Variants in CDH12 observed in about 807,000 individuals in gnomAD.
CDH12 encodes the protein cadherin 12.
A neutral mutation model predicts 74.1 loss-of-function variants in CDH12; 41 were observed. The ratio of observed to expected loss-of-function variants is 0.55; its 90% CI spans 0.43 to 0.72. The LOEUF is 0.72. CDH12 is among the 30% of genes least tolerant of loss of function. The pLI, the probability that CDH12 is intolerant of heterozygous loss-of-function variation, is 0.00. For synonymous variants in CDH12, 399 were observed against 355.0 expected, an observed-to-expected ratio of 1.12 and a Z score of -1.39; for missense variants, 945 against 977.2, an observed-to-expected ratio of 0.97 and a Z score of 0.44.
chr5:21,973,928 A>C (rs1756958832), intron 6 of CDH12, among the ~76,000 whole-genome samples: 1 of 152,152 alleles, frequency 6.6e-6, no homozygotes, highest in Non-Finnish European at 1.5e-5. Flanking sequence ...ACTGAATAAC[A>C]GATTTGCAGC....
intron 2 of CDH12, among the ~76,000 whole-genome samples, chr5:22,437,712 ACAAT>A (rs145758483): frequency 0.017 from 2,628 of 151,944 alleles, 83 homozygotes; most frequent in African/African-American, 0.06. Flanking sequence ...AAGGACTCTC[ACAAT>A]CAATCAATCA....
chr5:21,901,025 A>G (rs903755570), intron 6 of CDH12, among the ~76,000 whole-genome samples: 2 of 152,208 alleles, frequency 1.3e-5, no homozygotes, highest in Non-Finnish European at 1.5e-5. Context: ...TTGTGAAATA[A>G]TATAAATGAA....
intron 4 of CDH12, among the ~76,000 whole-genome samples, chr5:22,131,630 C>T (rs1318299018): frequency 2.0e-5 from 3 of 152,106 alleles, no homozygotes; most frequent in Non-Finnish European, 2.9e-5. Flanking sequence ...CTCAGCTTTG[C>T]ACACACTGTC....
At chr5:22,655,866 A>G (rs2126890328) in intron 1 of CDH12, among the ~76,000 whole-genome samples, 1 of 152,310 alleles carries the variant, frequency 6.6e-6, no homozygotes, top group South Asian at 2.1e-4. Context: ...TCTTCATATG[A>G]CTTAATTAAA....
intron 1 of CDH12, among the ~76,000 whole-genome samples, chr5:22,553,209 C>A (rs1738651798): frequency 6.6e-6 from 1 of 152,090 alleles, no homozygotes; most frequent in Non-Finnish European, 1.5e-5. Flanking sequence ...CTATGACACC[C>A]AAAATGATAA....
intron 6 of CDH12, among the ~76,000 whole-genome samples, chr5:21,934,309 C>A (rs1409919056): frequency 6.6e-6 from 1 of 152,126 alleles, no homozygotes; most frequent in African/African-American, 2.4e-5. Flanking sequence ...TGAGTTCTCA[C>A]AAGATCTAGT....
At chr5:22,578,311 T>A (rs1035124356) in intron 1 of CDH12, among the ~76,000 whole-genome samples, 5 of 152,000 alleles carry the variant, frequency 3.3e-5, no homozygotes, top group Non-Finnish European at 7.4e-5. Context: ...GGGTATAAAA[T>A]TGCGTCTAAA....
At chr5:22,311,745 A>G (rs1738401890) in intron 3 of CDH12, among the ~76,000 whole-genome samples, 1 of 150,398 alleles carries the variant, frequency 6.6e-6, no homozygotes, top group Admixed American at 6.6e-5. Flanking sequence ...GCATGGGTAC[A>G]TGGTTGTGGT....
In CDH12 at chr5:21,960,718, C is replaced by T. The variant is rs562898122; in HGVS notation, c.526+14373G>A. Reference sequence around the variant, plus strand: ...TGACTTATACACACACATACACACACGCACATACACACACACGTGTGTGTG... The same window carrying T: ...TGACTTATACACACACATACACACATGCACATACACACACACGTGTGTGTG... On this transcript the variant is annotated intron_variant, in intron 6 of 14. Coordinates refer to ENST00000382254, the MANE Select transcript of CDH12 (RefSeq NM_004061.5). Among the ~76,000 whole-genome samples, 376 of 152,024 alleles carry T rather than the reference C, an allele frequency of 2.5e-3. 5 individuals are homozygous for T. The highest frequency in any genetic ancestry group is 8.3e-3 in the African/African-American group (344 of 41,460).
intron 4 of CDH12, among the ~76,000 whole-genome samples, chr5:22,135,781 A>G (rs1009686441): frequency 1.2e-4 from 19 of 152,040 alleles, no homozygotes; most frequent in Admixed American, 7.2e-4. Flanking sequence ...TAAGTCTTAG[A>G]TTTGTAGCAG....
At chr5:22,682,449 G>A (rs893368494) in intron 1 of CDH12, among the ~76,000 whole-genome samples, 4 of 151,968 alleles carry the variant, frequency 2.6e-5, no homozygotes, top group African/African-American at 9.7e-5. Flanking sequence ...GGGTAGACAG[G>A]ATACAACATA....
intron 1 of CDH12, among the ~76,000 whole-genome samples, chr5:22,829,403 G>A (rs1010494599): frequency 2.0e-5 from 3 of 152,136 alleles, no homozygotes; most frequent in African/African-American, 7.2e-5. Context: ...AATCTGAGGT[G>A]GCTGTTATTT....
At chr5:22,633,526 A>T (rs1397022771) in intron 1 of CDH12, among the ~76,000 whole-genome samples, 1 of 152,160 alleles carries the variant, frequency 6.6e-6, no homozygotes, top group Non-Finnish European at 1.5e-5. Flanking sequence ...GGACACTAAC[A>T]TTTGAATTGG....
chr5:22,340,524 T>TG (rs1739800463), intron 3 of CDH12, among the ~76,000 whole-genome samples: 1 of 79,706 alleles, frequency 1.3e-5, no homozygotes, highest in African/African-American at 6.4e-5. Flanking sequence ...AGACTCCGTC[T>TG]CAAAAAAAAA....
chr5:21,986,907 A>G (rs1757541300), intron 5 of CDH12, among the ~76,000 whole-genome samples: 1 of 152,112 alleles, frequency 6.6e-6, no homozygotes, highest in African/African-American at 2.4e-5. Context: ...CTGATATGCT[A>G]TCATGAAAAA....
chr5:21,818,302 A>G (rs977929585), intron 8 of CDH12, among the ~76,000 whole-genome samples: 1 of 152,000 alleles, frequency 6.6e-6, no homozygotes, highest in Non-Finnish European at 1.5e-5. Context: ...AAGTTACTAT[A>G]AATGTCTGTT....
intron 1 of CDH12, among the ~76,000 whole-genome samples, chr5:22,822,600 G>T (rs1749765441): frequency 6.6e-6 from 1 of 152,132 alleles, no homozygotes; most frequent in South Asian, 2.1e-4. Context: ...CTCAAAAGAA[G>T]ACATTTATGC....
chr5:22,680,222 A>T (rs544182628), intron 1 of CDH12, among the ~76,000 whole-genome samples: 5 of 152,190 alleles, frequency 3.3e-5, no homozygotes, highest in African/African-American at 1.2e-4. Context: ...CTTGGTAAAC[A>T]GCTTACTCTT....
At chr5:22,125,417 A>G (rs1745794163) in intron 4 of CDH12, among the ~76,000 whole-genome samples, 1 of 152,172 alleles carries the variant, frequency 6.6e-6, no homozygotes, top group Non-Finnish European at 1.5e-5. Context: ...AGCTTCATTC[A>G]TGTCCCTGCA....
Sources: allele counts gnomAD v4.1 joint callset (sites outside exome capture counted in the v4.1 genomes callset), GRCh38; gene constraint gnomAD v4.1.1; transcripts MANE v1.5; gene names NCBI Gene and HGNC (gene_info 2026-07-23, HGNC 2026-07-21).